CDCA2: variants seen among roughly 807,000 people sequenced by gnomAD.
The protein encoded by CDCA2 is cell division cycle associated 2, also known as cell division cycle-associated protein 2.
CDCA2 carries 44 observed loss-of-function variants against 67.0 expected under a neutral mutation model. That is an observed-to-expected ratio of 0.66 (90% confidence interval 0.52 to 0.84). CDCA2 has a LOEUF of 0.84. Ranked by LOEUF, CDCA2 falls within the 40% of genes least tolerant of loss-of-function variation. CDCA2 has a pLI of 0.00. For missense variants in CDCA2, 1,253 were observed against 1,203.2 expected (o/e 1.04, Z -0.61); for synonymous variants, 447 against 418.7 (o/e 1.07, Z -0.82).
At position 25,507,471 on chromosome 8, in the gene CDCA2, G is replaced by A. The variant is rs770378225; in HGVS notation, c.2805G>A (p.Met935Ile). Reference protein sequence around the residue: ...CTFDSSGFESMSPIKETVSSR... With the variant: ...CTFDSSGFESISPIKETVSSR... ...TTGACAGCAGTGGATTTGAAAGTAT[G>A]TCTCCCATAAAAGAAACTGTGTCCT... Residue 935 changes from methionine (M) to isoleucine (I), a missense_variant, in exon 15 of 15, where the codon ATG becomes ATA. By Grantham distance (10) the Met-to-Ile change is conservative. Coordinates refer to ENST00000330560, the MANE Select transcript of CDCA2 (RefSeq NM_152562.4). 2 of 1,613,900 alleles carry A rather than the reference G, an allele frequency of 1.2e-6. No homozygotes were observed. The highest frequency in any genetic ancestry group is 1.7e-6 in the Non-Finnish European group (2 of 1,179,966).
chr8:25,504,370 A>G (rs1285273665), intron 14 of CDCA2, among the ~76,000 whole-genome samples: 4 of 151,730 alleles, frequency 2.6e-5, no homozygotes, highest in Non-Finnish European at 5.9e-5. Context: ...GGCTCAAACA[A>G]TCTTCCTGCC....
intron 13 of CDCA2, among the ~76,000 whole-genome samples, chr8:25,490,968 G>T (rs1803979044): frequency 6.6e-6 from 1 of 152,102 alleles, no homozygotes; most frequent in Non-Finnish European, 1.5e-5. Context: ...TGTTAATAAG[G>T]TTAAAAACTG....
intron 8 of CDCA2, among the ~76,000 whole-genome samples, chr8:25,482,281 T>C (rs1433995706): frequency 6.6e-6 from 1 of 152,218 alleles, no homozygotes; most frequent in African/African-American, 2.4e-5. Flanking sequence ...ATACTAAGAA[T>C]AGGTGTGGTT....
intron 2 of CDCA2, 27 bp downstream of exon 2, chr8:25,460,327 A>T: frequency 6.2e-7 from 1 of 1,614,130 alleles, no homozygotes; most frequent in Non-Finnish European, 8.5e-7. Flanking sequence ...CTCCTTGTGA[A>T]GTTGAAGGTT....
intron 4 of CDCA2, among the ~76,000 whole-genome samples, chr8:25,465,364 A>G (rs1802859285): frequency 2.1e-5 from 3 of 143,656 alleles, no homozygotes; most frequent in Admixed American, 2.1e-4. Context: ...ACTTCATATC[A>G]GTGGAAATGT....
At chr8:25,479,535 G>A (rs1227643764) in intron 7 of CDCA2, among the ~76,000 whole-genome samples, 5 of 152,124 alleles carry the variant, frequency 3.3e-5, no homozygotes, top group African/African-American at 1.2e-4. Flanking sequence ...CGGTAAAATT[G>A]CTTATTAGTC....
chr8:25,469,621 T>C (rs530424858), intron 6 of CDCA2, among the ~76,000 whole-genome samples: 9 of 152,344 alleles, frequency 5.9e-5, no homozygotes, highest in African/African-American at 2.2e-4. Flanking sequence ...TTTAAACTTT[T>C]CCTGGGGAAT....
At chr8:25,486,360 G>A (rs1048579360) in intron 11 of CDCA2, among the ~76,000 whole-genome samples, 6 of 152,092 alleles carry the variant, frequency 3.9e-5, no homozygotes, top group South Asian at 2.1e-4. Context: ...CTTCCCTGGC[G>A]GAAACCCCTT....
intron 12 of CDCA2, among the ~76,000 whole-genome samples, chr8:25,487,849 A>G (rs1380482558): frequency 6.6e-6 from 1 of 152,240 alleles, no homozygotes; most frequent in African/African-American, 2.4e-5. Flanking sequence ...AGATGCTTTC[A>G]GAGCTGTGTT....
rs541919784 is a variant in CDCA2, at chr8:25,489,987, C to T, written c.1671+1298C>T. On this transcript the variant is annotated intron_variant, in intron 13 of 14. Coordinates refer to ENST00000330560, the MANE Select transcript of CDCA2 (RefSeq NM_152562.4). The stretch of plus-strand genomic sequence containing the variant: ...CCCAAAACATTCCGTAAACTTCCTT[C>T]CCCCTCTATGAAATAAAAATGACTG... Among the ~76,000 whole-genome samples the T allele has an allele frequency of 6.6e-5, 10 of 152,264 alleles. No individual in the cohort carries two copies. The East Asian group carries it at 1.7e-3, about 27-fold the overall frequency.
chr8:25,471,421 G>A (rs1803150420), intron 7 of CDCA2, among the ~76,000 whole-genome samples: 1 of 151,916 alleles, frequency 6.6e-6, no homozygotes, highest in South Asian at 2.1e-4. Context: ...GGAGTGCAGT[G>A]GCACAATCTC....
At chr8:25,493,457 G>A (rs1487008987) in intron 13 of CDCA2, among the ~76,000 whole-genome samples, 1 of 152,138 alleles carries the variant, frequency 6.6e-6, no homozygotes, top group African/African-American at 2.4e-5. Flanking sequence ...CATGGAGCAT[G>A]CGTAAGGAAA....
intron 13 of CDCA2, among the ~76,000 whole-genome samples, chr8:25,496,829 G>C (rs1432037330): frequency 6.6e-6 from 1 of 152,144 alleles, no homozygotes; most frequent in East Asian, 1.9e-4. Context: ...AGCCTGTTTT[G>C]ATTGGCAAAG....
intron 13 of CDCA2, among the ~76,000 whole-genome samples, chr8:25,499,890 C>T (rs1024976339): frequency 1.3e-5 from 2 of 152,166 alleles, no homozygotes; most frequent in Non-Finnish European, 2.9e-5. Flanking sequence ...ACACTATCAG[C>T]AAGGCTTTTG....
chr8:25,498,288 A>ACCT (rs1804316574), intron 13 of CDCA2, among the ~76,000 whole-genome samples: 1 of 150,744 alleles, frequency 6.6e-6, no homozygotes, highest in South Asian at 2.1e-4. Flanking sequence ...GCTCACTGCA[A>ACCT]CCTCCTCCTC....
Position 25,485,739 on chromosome 8 carries a change from C to G in CDCA2, c.1366-20C>G. 1 of 1,481,518 alleles carries G rather than the reference C, an allele frequency of 6.7e-7. No homozygotes were observed. The highest frequency in any genetic ancestry group is 1.2e-5 in the South Asian group (1 of 82,082). The allele number at this position is 1,481,518 out of a possible 1,614,324, so 91.8% of individuals were successfully genotyped here. On this transcript the variant is annotated intron_variant, in intron 10 of 14. Coordinates refer to ENST00000330560, the MANE Select transcript of CDCA2 (RefSeq NM_152562.4). ...CACTGCATTTAAAGATATCTAACTT[C>G]TGTCTTTTCCTTTGTTTAGGAAAAC...
chr8:25,481,102 A>G (rs1803549987), intron 8 of CDCA2, among the ~76,000 whole-genome samples: 1 of 152,136 alleles, frequency 6.6e-6, no homozygotes, highest in Non-Finnish European at 1.5e-5. Context: ...TGCTATTTGT[A>G]AAGCTTTAAC....
intron 7 of CDCA2, among the ~76,000 whole-genome samples, chr8:25,474,060 T>C (rs1192199310): frequency 6.6e-6 from 1 of 152,192 alleles, no homozygotes; most frequent in Non-Finnish European, 1.5e-5. Context: ...GGTGATGATA[T>C]GGTTTCTATT....
chr8:25,468,554 T>TGTGTGC (rs140233192), intron 6 of CDCA2, 141 bp downstream of exon 6: 19 of 495,544 alleles, frequency 3.8e-5, no homozygotes, highest in African/African-American at 2.3e-4. Flanking sequence ...TGTGTGTGTG[T>TGTGTGC]GTGCGTGTGT....
Sources: allele counts gnomAD v4.1 joint callset (sites outside exome capture counted in the v4.1 genomes callset), GRCh38; gene constraint gnomAD v4.1.1; transcripts MANE v1.5; gene names NCBI Gene and HGNC (gene_info 2026-07-23, HGNC 2026-07-21).